Variants in SCUBE1 observed in about 807,000 individuals in gnomAD.
The protein encoded by SCUBE1 is signal peptide, CUB and EGF-like domain-containing protein 1.
Under a neutral mutation model 124.4 loss-of-function variants are expected in SCUBE1, and 59 were observed. The ratio of observed to expected loss-of-function variants is 0.47; its 90% CI spans 0.38 to 0.59. The LOEUF is 0.59. SCUBE1 is among the 20% of genes least tolerant of loss of function. The pLI is 0.00. For missense variants in SCUBE1, 1,150 were observed against 1,371.2 expected, an observed-to-expected ratio of 0.84 and a Z score of 2.55; for synonymous variants, 545 against 550.9, an observed-to-expected ratio of 0.99 and a Z score of 0.15.
intron 6 of SCUBE1, among the ~76,000 whole-genome samples, chr22:43,242,710 T>C (rs73163969): frequency 0.02 from 3,023 of 152,296 alleles, 76 homozygotes; most frequent in East Asian, 0.13. Context: ...AAAGACAGAA[T>C]TTCCTTGTGG....
chr22:43,220,382 C>A, intron 14 of SCUBE1, 68 bp downstream of exon 14: 1 of 1,551,382 alleles, frequency 6.4e-7, no homozygotes, highest in South Asian at 1.2e-5. Flanking sequence ...GGCAGGCCCC[C>A]GGCAGCGCCA....
At chr22:43,247,103 GC>G (rs1455903983) in intron 6 of SCUBE1, among the ~76,000 whole-genome samples, 2 of 152,202 alleles carry the variant, frequency 1.3e-5, no homozygotes, top group African/African-American at 4.8e-5. Flanking sequence ...TCTGGGACTT[GC>G]CATCAAGCTT....
chr22:43,258,160 G>T lies in SCUBE1; in HGVS notation c.727+59C>A. The T allele has an allele frequency of 1.8e-6, 2 of 1,125,318 alleles. No individual in the cohort carries two copies. Among genetic ancestry groups the T allele is most frequent in the Non-Finnish European group, 2.7e-6 (2 of 751,786 alleles). The allele number at this position is 1,125,318 out of a possible 1,614,324, so 69.7% of individuals were successfully genotyped here. A position where few individuals can be genotyped will look rare whatever the true frequency, so the allele number is the denominator to read the frequency against. On this transcript the variant is annotated intron_variant, in intron 6 of 21. Transcript: ENST00000360835. This position sits in a 1 kb window ranked among gnomAD's most constrained non-coding sequence, Gnocchi z 5.0. ...CAGGGTGCTGGCCCTGCTGGTGCAC[G>T]CATGGGGGGTCGGGGGCGGGGGGCG...
chr22:43,247,636 C>T (rs1220791457), intron 6 of SCUBE1, among the ~76,000 whole-genome samples: 2 of 152,228 alleles, frequency 1.3e-5, no homozygotes, highest in Non-Finnish European at 2.9e-5. Flanking sequence ...GGCCTGCAGT[C>T]ACCACCTGGC....
chr22:43,335,740 T>C (rs946003167), intron 2 of SCUBE1, among the ~76,000 whole-genome samples: 3 of 147,738 alleles, frequency 2.0e-5, no homozygotes, highest in African/African-American at 7.8e-5. Context: ...TGAGAACAGG[T>C]GATGATGATG....
intron 10 of SCUBE1, among the ~76,000 whole-genome samples, chr22:43,226,637 G>A: frequency 6.8e-6 from 1 of 147,388 alleles, no homozygotes; most frequent in Non-Finnish European, 1.5e-5. Context: ...GAGGGTGGGG[G>A]TGGGGGCGGG....
At chr22:43,274,769 C>G (rs554376363) in intron 4 of SCUBE1, among the ~76,000 whole-genome samples, 2 of 152,344 alleles carry the variant, frequency 1.3e-5, no homozygotes, top group South Asian at 4.1e-4. Flanking sequence ...CAGAAAGGAG[C>G]AGGGGCTGCA....
chr22:43,316,723 C>T (rs1490920930), intron 3 of SCUBE1: 1 of 152,268 alleles, frequency 6.6e-6, no homozygotes, highest in African/African-American at 2.4e-5. Context: ...GCTACCTTCT[C>T]TTTGAAGACC....
intron 2 of SCUBE1, among the ~76,000 whole-genome samples, chr22:43,334,915 C>T (rs576965439): frequency 9.4e-4 from 143 of 152,256 alleles, no homozygotes; most frequent in African/African-American, 3.1e-3. Context: ...CCAGGCTACA[C>T]GGGCAGGATT....
At chr22:43,311,255 T>G (rs914509706) in intron 3 of SCUBE1, among the ~76,000 whole-genome samples, 3 of 152,166 alleles carry the variant, frequency 2.0e-5, no homozygotes, top group Admixed American at 2.0e-4. Flanking sequence ...ACTGTCTTTC[T>G]CCTCTATGTA....
chr22:43,221,112 A>C, intron 13 of SCUBE1, 61 bp downstream of exon 13: 2 of 1,362,848 alleles, frequency 1.5e-6, no homozygotes, highest in Non-Finnish European at 2.1e-6. Context: ...CCCAGCTCCC[A>C]GGCATGAGGA....
intron 4 of SCUBE1, among the ~76,000 whole-genome samples, chr22:43,278,891 C>G (rs1436300007): frequency 6.6e-6 from 1 of 152,024 alleles, no homozygotes; most frequent in African/African-American, 2.4e-5. Flanking sequence ...CTGGGCCTGT[C>G]GAGGACACCT....
intron 2 of SCUBE1, among the ~76,000 whole-genome samples, chr22:43,331,909 C>T (rs1283125369): frequency 6.6e-6 from 1 of 152,024 alleles, no homozygotes; most frequent in Non-Finnish European, 1.5e-5. Context: ...CAAGAGGAAA[C>T]GGGGTGTGCA....
Position 43,248,101 on chromosome 22 carries a change from G to A in SCUBE1, c.728-9147C>T, listed in dbSNP as rs187701742. ...CACAGCTGGTGGGGCTGGGAGACAG[G>A]GAGGCTGGGCCAGAATCTAGGAGAG... On this transcript the variant is annotated intron_variant, in intron 6 of 21. Transcript: ENST00000360835. Among the ~76,000 whole-genome samples the A allele has an allele frequency of 1.0e-3, 153 of 152,354 alleles. 1 individual carries two copies. Among genetic ancestry groups the A allele is most frequent in the African/African-American group, 3.6e-3 (148 of 41,584 alleles).
At chr22:43,227,639 C>T (rs577449328) in intron 9 of SCUBE1, 143 bp from the exon 10 acceptor site, 2 of 998,968 alleles carry the variant, frequency 2.0e-6, no homozygotes, top group Admixed American at 2.3e-5. Flanking sequence ...GAGCAGTGCA[C>T]ACGCCACACG....
chr22:43,335,113 C>G (rs900307197), intron 2 of SCUBE1, among the ~76,000 whole-genome samples: 2 of 152,216 alleles, frequency 1.3e-5, no homozygotes, highest in African/African-American at 4.8e-5. Flanking sequence ...ACCCTGCCCC[C>G]TCAGGCCTCC....
At chr22:43,212,394 T>A in intron 17 of SCUBE1, 31 bp downstream of exon 17, 2 of 1,533,812 alleles carry the variant, frequency 1.3e-6, no homozygotes, top group Non-Finnish European at 1.8e-6. Flanking sequence ...CCTCTCGGGG[T>A]GGGCGGGCGT....
At chr22:43,334,957 G>A (rs1927016019) in intron 2 of SCUBE1, among the ~76,000 whole-genome samples, 1 of 152,196 alleles carries the variant, frequency 6.6e-6, no homozygotes. Flanking sequence ...CAAAGTCAAT[G>A]CTTTAACTCC....
chr22:43,338,119 C>T (rs1927144745), intron 2 of SCUBE1, among the ~76,000 whole-genome samples: 1 of 152,174 alleles, frequency 6.6e-6, no homozygotes, highest in African/African-American at 2.4e-5. Context: ...CCCCAGATGC[C>T]CAGTCCTGCC....
Sources: allele counts gnomAD v4.1 joint callset (sites outside exome capture counted in the v4.1 genomes callset), GRCh38; gene constraint gnomAD v4.1.1; non-coding constraint Gnocchi (gnomAD v3.1); transcripts MANE v1.5; gene names NCBI Gene and HGNC (gene_info 2026-07-23, HGNC 2026-07-21).